Variants in ITGA10 observed in about 807,000 individuals in gnomAD.
ITGA10 encodes the protein integrin subunit alpha 10.
A neutral mutation model predicts 145.2 loss-of-function variants in ITGA10; 105 were observed. The observed-to-expected ratio is 0.72, with a 90% CI of 0.62 to 0.85. ITGA10 has a LOEUF of 0.85. Among genes scored for constraint, ITGA10 ranks in the 40% least tolerant of loss-of-function variants. The pLI, the probability that ITGA10 is intolerant of heterozygous loss-of-function variation, is 0.00. For synonymous variants in ITGA10, 506 were observed against 557.8 expected, an observed-to-expected ratio of 0.91 and a Z score of 1.31; for missense variants, 1,317 against 1,444.5, an observed-to-expected ratio of 0.91 and a Z score of 1.43.
chr1:145,907,161 G>C lies in ITGA10; in HGVS notation c.165-11C>G. ...GCGCCCACCAGCATCCTGGGAAGAG[G>C]ATGTGAATGTAAGTAAGCACAGGGC... On this transcript the variant is annotated splice_polypyrimidine_tract_variant and intron_variant, in intron 2 of 29. Coordinates refer to ENST00000369304, the MANE Select transcript of ITGA10 (RefSeq NM_003637.5). 1 of 1,558,860 alleles carries C rather than the reference G, an allele frequency of 6.4e-7. No individual in the cohort carries two copies. Among genetic ancestry groups the C allele is most frequent in the East Asian group, 2.4e-5 (1 of 42,026 alleles).
intron 23 of ITGA10, 80 bp downstream of exon 23, chr1:145,896,689 G>T: frequency 8.4e-7 from 1 of 1,187,104 alleles, no homozygotes; most frequent in Non-Finnish European, 1.3e-6. Context: ...AAAAACTGAG[G>T]CACATGGAAG....
intron 7 of ITGA10, among the ~76,000 whole-genome samples, chr1:145,903,684 C>CATTTT (rs1464790291): frequency 2.0e-5 from 3 of 149,990 alleles, no homozygotes; most frequent in South Asian, 2.1e-4. Flanking sequence ...ATTTTCATTT[C>CATTTT]ATTTTATTTT....
At chr1:145,907,523 C>T (rs587680799) in intron 1 of ITGA10, 58 bp from the exon 2 acceptor site, 41 of 1,604,446 alleles carry the variant, frequency 2.6e-5, no homozygotes, top group East Asian at 4.5e-5. Flanking sequence ...AGGCACAGCC[C>T]GAGAGAAGCT....
chr1:145,906,173 C>G, intron 5 of ITGA10: 1 of 461,540 alleles, frequency 2.2e-6, no homozygotes, highest in South Asian at 2.2e-5. Context: ...AAGTGATCTG[C>G]CCACCTTGGC....
In ITGA10 at chr1:145,902,600, C is replaced by T. The variant is rs202222786; in HGVS notation, c.929G>A (p.Arg310Gln). 14 of 1,607,534 alleles carry T rather than the reference C, an allele frequency of 8.7e-6. No homozygotes were observed. The African/African-American group carries it at 9.3e-5, about 11-fold the overall frequency. Residue 310 changes from arginine to glutamine, a missense_variant, in exon 9 of 30, where the codon CGG (arginine) becomes CAG (glutamine). By Grantham distance (43) the Arg-to-Gln change is conservative. Transcript: ENST00000369304. ...YGIAVLGHYL[R>Q]RQRDPSSFLR... ...GAAAGAGCTGGGATCTCGCTGCCGC[C>T]GGAGGTAGTGACCAAGGACCTAAGA... is the stretch of plus-strand genomic sequence containing the variant.
At position 145,897,534 on chromosome 1, in the gene ITGA10, T is replaced by G; in HGVS notation, c.2552A>C (p.His851Pro). Residue 851 changes from histidine to proline, a missense_variant, in exon 20 of 30, where the codon CAC becomes CCC. His to Pro is a moderately conservative substitution (Grantham distance 77). Coordinates refer to ENST00000369304, the MANE Select transcript of ITGA10 (RefSeq NM_003637.5). ...SLSLIFSRNL[H>P]LASLTPQRES... is the part of the protein sequence containing the mutation. ...CACCTGAGGAGTGAGACTGGCCAGG[T>G]GGAGGTTTCTAGAGAAGATGAGACT... The G allele has an allele frequency of 6.2e-7, 1 of 1,613,826 alleles. No homozygotes were observed.
chr1:145,895,844 T>C, intron 25 of ITGA10, 133 bp from the exon 26 acceptor site: 2 of 1,019,296 alleles, frequency 2.0e-6, no homozygotes, highest in Non-Finnish European at 3.0e-6. Flanking sequence ...ATAAGCCACA[T>C]GTGTAAAAAG....
At chr1:145,908,100 T>A (rs116615710) in intron 1 of ITGA10, among the ~76,000 whole-genome samples, 8 of 152,002 alleles carry the variant, frequency 5.3e-5, no homozygotes, top group African/African-American at 1.9e-4. Context: ...TTCCACACAC[T>A]CTCCTCAACA....
Position 145,897,243 on chromosome 1 carries a change from C to A in ITGA10, c.2667+4G>T. On this transcript the variant is annotated splice_donor_region_variant and intron_variant, in intron 21 of 29. Transcript: ENST00000369304. The stretch of plus-strand genomic sequence containing the variant: ...CCCTCTTTTCATCCTAGACCCCAAC[C>A]CACCTTGGCTCCAGTCTGGAAGACA... The A allele has an allele frequency of 1.9e-6, 3 of 1,613,996 alleles. No individual in the cohort carries two copies. Among genetic ancestry groups the A allele is most frequent in the Non-Finnish European group, 2.5e-6 (3 of 1,179,926 alleles).
In ITGA10 at chr1:145,891,763, TC is replaced by T. The variant is rs1430718899; in HGVS notation, c.*1034del. 6.6e-6 allele frequency: 1 copy of T among 152,176 alleles called. No individual in the cohort carries two copies. The highest frequency in any genetic ancestry group is 2.4e-5 in the African/African-American group (1 of 41,424). The allele number at this position is 152,176 out of a possible 1,614,324, so 9.4% of individuals were successfully genotyped here. A position where few individuals can be genotyped will look rare whatever the true frequency, so the allele number is the denominator to read the frequency against. On this transcript the variant is annotated 3_prime_UTR_variant, in exon 30 of 30. Coordinates refer to ENST00000369304, the MANE Select transcript of ITGA10 (RefSeq NM_003637.5). Reference sequence around the variant, plus strand: ...CAGTGCTGAGCAAGTAAGGGCTTGCTCCCCAGAGCCCCATGCCACCCATGTA... The same window carrying T: ...CAGTGCTGAGCAAGTAAGGGCTTGCTCCCAGAGCCCCATGCCACCCATGTA...
At chr1:145,908,207 A>G (rs1657418936) in intron 1 of ITGA10, among the ~76,000 whole-genome samples, 1 of 152,170 alleles carries the variant, frequency 6.6e-6, no homozygotes, top group Non-Finnish European at 1.5e-5. Context: ...AAAGGAAGCT[A>G]AGGAGCACTG....
Position 145,898,988 on chromosome 1 carries a change from A to G in ITGA10, c.2180T>C (p.Leu727Pro). 6.2e-7 allele frequency: 1 copy of G among 1,614,220 alleles called. No individual in the cohort carries two copies. Among genetic ancestry groups the G allele is most frequent in the Non-Finnish European group, 8.5e-7 (1 of 1,180,056 alleles). ...AGTGACATTCCCCACACTGAGCCGG[A>G]GCCTCCGAGGGGACAACCTCTGGCC... Reference protein sequence around the residue: ...GSGQRLSPRRLRLSVGNVTCE... With the variant: ...GSGQRLSPRRPRLSVGNVTCE... Residue 727 changes from leucine to proline, a missense_variant, in exon 17 of 30, where the codon CTC becomes CCC. By Grantham distance (98) the Leu-to-Pro change is moderately conservative. Transcript: ENST00000369304.
intron 22 of ITGA10, 46 bp downstream of exon 22, chr1:145,896,965 A>G (rs1553745365): frequency 6.4e-7 from 1 of 1,563,664 alleles, no homozygotes; most frequent in Non-Finnish European, 8.8e-7. Context: ...TCCAGTCAAG[A>G]CTCAGTAGGA....
At position 145,907,478 on chromosome 1, in the gene ITGA10, GATC is replaced by G. The variant is rs1302462618; in HGVS notation, c.53-16_53-14del. On this transcript the variant is annotated splice_polypyrimidine_tract_variant and intron_variant, in intron 1 of 29. Coordinates refer to ENST00000369304, the MANE Select transcript of ITGA10 (RefSeq NM_003637.5). ...GGGGAGCAGAGACCTGTGGGGTCAG[GATC>G]ATAATGTTAGTATGAGGTAGTGAAT... 1 of 1,613,886 alleles carries G rather than the reference GATC, an allele frequency of 6.2e-7. No homozygotes were observed. The highest frequency in any genetic ancestry group is 8.5e-7 in the Non-Finnish European group (1 of 1,179,964).
chr1:145,899,033 C>T lies in ITGA10; in HGVS notation c.2135G>A (p.Arg712His), dbSNP rs782416335. 1.6e-5 allele frequency: 26 copies of T among 1,614,104 alleles called. No individual in the cohort carries two copies. The highest frequency in any genetic ancestry group is 2.2e-5 in the East Asian group (1 of 44,902). Residue 712 changes from arginine to histidine, a missense_variant, in exon 17 of 30, where the codon CGT (arginine) becomes CAT (histidine). Transcript: ENST00000369304. ...CTGGCCAGAGCCATCAAATGCTGCA[C>T]GTGCCCCAGCAGTCCATTCATCCAG... ...ASLDEWTAGA[R>H]AAFDGSGQRL...
At position 145,891,571 on chromosome 1, in the gene ITGA10, G is replaced by T; in HGVS notation, c.*1227C>A. ...CCTTTACTGTCCATGACCCAAATAT[G>T]GAGTGGGTTGGGGAGGGATCAGAGA... On this transcript the variant is annotated 3_prime_UTR_variant, in exon 30 of 30. Coordinates refer to ENST00000369304, the MANE Select transcript of ITGA10 (RefSeq NM_003637.5). The T allele has an allele frequency of 6.6e-6, 1 of 152,420 alleles. No homozygotes were observed. 9.4% of individuals were successfully genotyped at this position (152,420 alleles called of 1,614,324 possible).
chr1:145,891,945 GA>G lies in ITGA10; in HGVS notation c.*852del, dbSNP rs1654791106. On this transcript the variant is annotated 3_prime_UTR_variant, in exon 30 of 30. Coordinates refer to ENST00000369304, the MANE Select transcript of ITGA10 (RefSeq NM_003637.5). ...AAGGAGGGCTCAAGAGTGAGTATAAGACTTGAGAGAAGTAGAGAAAATACTG... is the reference window on the plus strand; with the variant it reads ...AAGGAGGGCTCAAGAGTGAGTATAAGCTTGAGAGAAGTAGAGAAAATACTG... The G allele has an allele frequency of 6.6e-6, 1 of 152,236 alleles. No homozygotes were observed. The highest frequency in any genetic ancestry group is 1.5e-5 in the Non-Finnish European group (1 of 68,054). 9.4% of individuals were successfully genotyped at this position (152,236 alleles called of 1,614,324 possible).
At position 145,901,254 on chromosome 1, in the gene ITGA10, G is replaced by A; in HGVS notation, c.1468C>T (p.Leu490Phe). Residue 490 changes from leucine (L) to phenylalanine (F), a missense_variant, in exon 13 of 30, where the codon CTC becomes TTC. Physicochemically the swap from Leu to Phe is conservative, Grantham distance 22 (BLOSUM62 0). Coordinates refer to ENST00000369304, the MANE Select transcript of ITGA10 (RefSeq NM_003637.5). The surrounding 1 kb of genome is among the most constrained non-coding windows in gnomAD (Gnocchi z 4.3). ...TCCCTATCTGTATCCAATGGGCAGAGCTCACTGCCAAAGTATGAACCAATC... is the reference window on the plus strand; with the variant it reads ...TCCCTATCTGTATCCAATGGGCAGAACTCACTGCCAAAGTATGAACCAATC... Reference protein sequence around the residue: ...EQIGSYFGSELCPLDTDRDGT... With the variant: ...EQIGSYFGSEFCPLDTDRDGT... The A allele has an allele frequency of 1.9e-6, 3 of 1,614,132 alleles. No homozygotes were observed. Among genetic ancestry groups the A allele is most frequent in the Non-Finnish European group, 2.5e-6 (3 of 1,180,024 alleles).
intron 5 of ITGA10, chr1:145,906,073 T>C (rs1570909555): frequency 6.8e-6 from 2 of 295,850 alleles, no homozygotes; most frequent in African/African-American, 2.2e-5. Context: ...AGGCATGCAC[T>C]AGCGCACCCA....
Sources: gnomAD v4.1 joint callset for allele counts (sites outside exome capture counted in the v4.1 genomes callset) on GRCh38, gnomAD v4.1.1 for gene constraint, Gnocchi (gnomAD v3.1) non-coding constraint, MANE v1.5 for transcripts, NCBI Gene and HGNC (gene_info 2026-07-23, HGNC 2026-07-21) for gene names.